The following CNOT2 variants were observed in gnomAD, a reference collection of about 807,000 sequenced individuals.
The protein encoded by CNOT2 is CCR4-NOT transcription complex subunit 2, also known as CC chemokine receptor 4-negative regulator of transcription 2.
A neutral mutation model predicts 72.1 loss-of-function variants in CNOT2; 7 were observed. The ratio of observed to expected loss-of-function variants is 0.10; its 90% confidence interval spans 0.06 to 0.18. The LOEUF is 0.18. Ranked by LOEUF, CNOT2 falls within the 10% of genes least tolerant of loss-of-function variation. The pLI is 1.00. For synonymous variants in CNOT2, 196 were observed against 225.6 expected, an observed-to-expected ratio of 0.87 and a Z score of 1.17; for missense variants, 345 against 660.3, an observed-to-expected ratio of 0.52 and a Z score of 5.23.
At chr12:70,284,426 G>A (rs1255201244) in intron 2 of CNOT2, among the ~76,000 whole-genome samples, 1 of 151,630 alleles carries the variant, frequency 6.6e-6, no homozygotes, top group East Asian at 1.9e-4. Flanking sequence ...TGTATTTTTC[G>A]GTAGATACAG....
chr12:70,304,164 G>A (rs1251074274), intron 2 of CNOT2, among the ~76,000 whole-genome samples: 3 of 151,808 alleles, frequency 2.0e-5, no homozygotes, highest in Non-Finnish European at 2.9e-5. Flanking sequence ...TCCTTAGTTC[G>A]GAGTAGTTTG....
intron 2 of CNOT2, among the ~76,000 whole-genome samples, chr12:70,306,043 T>G (rs938146996): frequency 1.8e-4 from 28 of 152,182 alleles, no homozygotes; most frequent in Non-Finnish European, 2.9e-5. Context: ...CCAACTTAAG[T>G]GGCTCCATTA....
At chr12:70,340,429 C>A (rs1881333646) in intron 11 of CNOT2, among the ~76,000 whole-genome samples, 1 of 151,932 alleles carries the variant, frequency 6.6e-6, no homozygotes, top group South Asian at 2.1e-4. Context: ...TTTTAAATAC[C>A]ATATATATTG....
intron 2 of CNOT2, among the ~76,000 whole-genome samples, chr12:70,292,354 C>G (rs566144108): frequency 6.6e-6 from 1 of 152,178 alleles, no homozygotes; most frequent in Admixed American, 6.5e-5. Context: ...TAGGATAAGT[C>G]TCGGATTGGA....
At chr12:70,327,583 C>T (rs1229333615) in intron 4 of CNOT2, 1 of 151,482 alleles carries the variant, frequency 6.6e-6, no homozygotes, top group Non-Finnish European at 1.5e-5. Flanking sequence ...TTTAAGATCC[C>T]TTCCGGCTCT....
intron 1 of CNOT2, among the ~76,000 whole-genome samples, chr12:70,256,177 T>C (rs867168462): frequency 4.8e-4 from 73 of 152,190 alleles, no homozygotes; most frequent in African/African-American, 1.5e-3. Context: ...ATTCCAGCCT[T>C]GGACCAAAAA....
chr12:70,291,348 A>G (rs1309785045), intron 2 of CNOT2, among the ~76,000 whole-genome samples: 3 of 152,226 alleles, frequency 2.0e-5, no homozygotes, highest in African/African-American at 7.2e-5. Context: ...GGAAAAAGGA[A>G]AGACCCTTAT....
chr12:70,261,305 CTTTTTTTTTTTTTTT>C (rs71437141), intron 1 of CNOT2, among the ~76,000 whole-genome samples: 6 of 43,356 alleles, frequency 1.4e-4, no homozygotes, highest in South Asian at 1.3e-3. Flanking sequence ...TTCTTTCTTT[CTTTTTTTTTTTTTTT>C]TTTTTTTTTT....
At chr12:70,349,686 G>A (rs533448287) in intron 15 of CNOT2, among the ~76,000 whole-genome samples, 4 of 152,156 alleles carry the variant, frequency 2.6e-5, no homozygotes, top group Non-Finnish European at 5.9e-5. Flanking sequence ...ATAATTTCCT[G>A]TAAATAATAT....
At chr12:70,280,572 A>C (rs1203002045) in intron 2 of CNOT2, among the ~76,000 whole-genome samples, 1 of 152,116 alleles carries the variant, frequency 6.6e-6, no homozygotes, top group Admixed American at 6.5e-5. Flanking sequence ...GACACTTAAT[A>C]TTTTATATTT....
At chr12:70,304,870 A>G (rs560994726) in intron 2 of CNOT2, among the ~76,000 whole-genome samples, 1 of 152,194 alleles carries the variant, frequency 6.6e-6, no homozygotes, top group Non-Finnish European at 1.5e-5. Context: ...AGCCTTGGCA[A>G]TGGCGGGCAC....
chr12:70,351,925 A>G (rs890293924), intron 15 of CNOT2, among the ~76,000 whole-genome samples: 1 of 152,170 alleles, frequency 6.6e-6, no homozygotes, highest in Non-Finnish European at 1.5e-5. Context: ...ATTTTTACTG[A>G]TAAGCAAATA....
chr12:70,258,123 C>T (rs886567372), intron 1 of CNOT2, among the ~76,000 whole-genome samples: 1 of 152,058 alleles, frequency 6.6e-6, no homozygotes, highest in African/African-American at 2.4e-5. Context: ...TTCATTCTTA[C>T]TAATAAGAAT....
At chr12:70,305,827 C>G (rs536457191) in intron 2 of CNOT2, among the ~76,000 whole-genome samples, 2 of 139,172 alleles carry the variant, frequency 1.4e-5, no homozygotes, top group African/African-American at 5.4e-5. Flanking sequence ...TCAGGGACCA[C>G]TTTACCCGTC....
At chr12:70,266,119 A>T (rs1593069377) in intron 1 of CNOT2, among the ~76,000 whole-genome samples, 1 of 148,416 alleles carries the variant, frequency 6.7e-6, no homozygotes, top group African/African-American at 2.5e-5. Context: ...TATTATTATT[A>T]TTTTTCAGAC....
intron 2 of CNOT2, among the ~76,000 whole-genome samples, chr12:70,301,477 A>T (rs775754752): frequency 4.5e-5 from 4 of 88,938 alleles, no homozygotes; most frequent in Non-Finnish European, 8.7e-5. Context: ...TATTGAGATA[A>T]TCATGCCGTT....
chr12:70,337,287 GA>G lies in CNOT2; in HGVS notation c.776-99del, dbSNP rs1446695105. The G allele has an allele frequency of 1.6e-5, 15 of 925,714 alleles. No homozygotes were observed. The Admixed American group carries it at 2.5e-4, about 16-fold the overall frequency. The allele number at this position is 925,714 out of a possible 1,614,324, so 57.3% of individuals were successfully genotyped here. On this transcript the variant is annotated intron_variant, in intron 8 of 15. Coordinates refer to ENST00000229195, the MANE Select transcript of CNOT2 (RefSeq NM_014515.7). ...TACGCTTTCATAGCATTAAAAAAAAGAAACCTTTTGGTGTATTATCATGAGG... is the reference window on the plus strand; with the variant it reads ...TACGCTTTCATAGCATTAAAAAAAAGAACCTTTTGGTGTATTATCATGAGG...
intron 1 of CNOT2, among the ~76,000 whole-genome samples, chr12:70,254,237 C>A (rs1303281606): frequency 1.3e-4 from 15 of 117,930 alleles, no homozygotes; most frequent in Admixed American, 2.5e-4. Flanking sequence ...GACTCTGTCT[C>A]AAAAAAAAAA....
chr12:70,283,283 T>A (rs1870194535), intron 2 of CNOT2, among the ~76,000 whole-genome samples: 1 of 152,094 alleles, frequency 6.6e-6, no homozygotes, highest in Non-Finnish European at 1.5e-5. Context: ...ATATAATGAA[T>A]ATAAAGAACA....
Sources: allele counts gnomAD v4.1 joint callset (sites outside exome capture counted in the v4.1 genomes callset), GRCh38; gene constraint gnomAD v4.1.1; transcripts MANE v1.5; gene names NCBI Gene and HGNC (gene_info 2026-07-23, HGNC 2026-07-21).